RRP1B: variants seen among roughly 807,000 people sequenced by gnomAD.
RRP1B encodes ribosomal RNA processing 1B.
A neutral mutation model predicts 80.2 loss-of-function variants in RRP1B; 56 were observed. That is an observed-to-expected ratio of 0.70 (90% confidence interval 0.56 to 0.87). RRP1B has a LOEUF of 0.87. RRP1B is among the 40% of genes least tolerant of loss of function. The pLI is 0.00. For missense variants in RRP1B, 807 were observed against 939.8 expected, an observed-to-expected ratio of 0.86 and a Z score of 1.85; for synonymous variants, 351 against 357.6, an observed-to-expected ratio of 0.98 and a Z score of 0.21.
chr21:43,687,520 CAG>C lies in RRP1B; in HGVS notation c.1149_1150del (p.Arg383SerfsTer10). The C allele has an allele frequency of 6.8e-7, 1 of 1,479,744 alleles. No homozygotes were observed. The highest frequency in any genetic ancestry group is 8.9e-7 in the Non-Finnish European group (1 of 1,120,794). The allele number at this position is 1,479,744 out of a possible 1,614,324, so 91.7% of individuals were successfully genotyped here. ...KTNLEKEKGS[R>X]VFCVEEEDSE... Reference sequence around the variant, plus strand: ...GATGGGTTTCTGTCTTTTTAGGAAGCAGAGTCTTTTGTGTAGAGGAAGAGGAC... The same window carrying C: ...GATGGGTTTCTGTCTTTTTAGGAAGCAGTCTTTTGTGTAGAGGAAGAGGAC... On this transcript the variant is annotated frameshift_variant, in exon 13 of 16. Transcript: ENST00000340648. LOFTEE classifies it high-confidence loss of function.
At position 43,676,687 on chromosome 21, in the gene RRP1B, G is replaced by T. The variant is rs376437731; in HGVS notation, c.615-46G>T. On this transcript the variant is annotated intron_variant, in intron 7 of 15. Coordinates refer to ENST00000340648, the MANE Select transcript of RRP1B (RefSeq NM_015056.3). Reference sequence around the variant, plus strand: ...TGTGCCCCTGAAGCCAGAAGGCCAGGCCGTTTGTTCTCATCACATGCTCTC... The same window carrying T: ...TGTGCCCCTGAAGCCAGAAGGCCAGTCCGTTTGTTCTCATCACATGCTCTC... 86 of 1,556,138 alleles carry T rather than the reference G, an allele frequency of 5.5e-5. No individual in the cohort carries two copies. The African/African-American group carries it at 1.1e-3, about 21-fold the overall frequency.
chr21:43,667,147 A>C (rs2082981270), intron 1 of RRP1B, among the ~76,000 whole-genome samples: 1 of 152,184 alleles, frequency 6.6e-6, no homozygotes, highest in Admixed American at 6.5e-5. Context: ...TTGCCTGTGC[A>C]TGTTAATGAT....
chr21:43,675,025 G>T lies in RRP1B; in HGVS notation c.420-9G>T, dbSNP rs2147167099. 6.2e-7 allele frequency: 1 copy of T among 1,613,772 alleles called. No individual in the cohort carries two copies. The highest frequency in any genetic ancestry group is 8.5e-7 in the Non-Finnish European group (1 of 1,179,836). On this transcript the variant is annotated splice_polypyrimidine_tract_variant and intron_variant, in intron 5 of 15. Transcript: ENST00000340648. ...TGTCATTCACAGAAGCATGCGTTTG[G>T]TTCTTTAGCCGAATCAAGGTTTTCT...
rs1192168153 is a variant in RRP1B at position 43,688,075 on chromosome 21, C to T, written c.1701C>T (p.Arg567=). ...GANSHTTLPQ[R]RRLQKKKAGP... is the part of the protein sequence containing the mutation. ...ACAGCCACACCACGCTGCCCCAGCGCAGGAGGCTGCAGAAAAAGAAGGCAG... is the reference window on the plus strand; with the variant it reads ...ACAGCCACACCACGCTGCCCCAGCGTAGGAGGCTGCAGAAAAAGAAGGCAG... The change falls in exon 13 of 16, where the codon CGC becomes CGT. Residue 567 remains arginine (R), a synonymous_variant. Coordinates refer to ENST00000340648, the MANE Select transcript of RRP1B (RefSeq NM_015056.3). 1.2e-6 allele frequency: 2 copies of T among 1,611,682 alleles called. No individual in the cohort carries two copies. The highest frequency in any genetic ancestry group is 1.1e-5 in the South Asian group (1 of 90,944).
chr21:43,673,111 GACAAAAAT>G (rs1470376849), intron 3 of RRP1B, among the ~76,000 whole-genome samples: 2 of 152,152 alleles, frequency 1.3e-5, no homozygotes, highest in Non-Finnish European at 2.9e-5. Context: ...CCTATAATCA[GACAAAAAT>G]ATGAGTTTCT....
At chr21:43,685,853 T>C (rs977426927) in intron 11 of RRP1B, 64 bp downstream of exon 11, 18 of 1,546,796 alleles carry the variant, frequency 1.2e-5, no homozygotes, top group East Asian at 4.7e-5. Flanking sequence ...ACTGGGGGCG[T>C]TGATGCCAAA....
intron 2 of RRP1B, among the ~76,000 whole-genome samples, chr21:43,671,145 G>A (rs926374729): frequency 6.6e-6 from 1 of 152,080 alleles, no homozygotes; most frequent in African/African-American, 2.4e-5. Flanking sequence ...TCCCCAGAGT[G>A]AGCCTGCTGC....
In RRP1B at chr21:43,685,736, TTTTA is replaced by T. The variant is rs771047503; in HGVS notation, c.990-30_990-27del. ...ATTTCTTTATGAACATTTGTTATTT[TTTTA>T]TTTTTTATTTTTTATTTTTTTATTT... On this transcript the variant is annotated intron_variant, in intron 10 of 15. Transcript: ENST00000340648. 1.5e-5 allele frequency: 21 copies of T among 1,383,466 alleles called. No homozygotes were observed. In the South Asian group the frequency reaches 2.6e-4, roughly 17 times the overall value. The allele number at this position is 1,383,466 out of a possible 1,614,324, so 85.7% of individuals were successfully genotyped here.
Position 43,667,473 on chromosome 21 carries a change from C to T in RRP1B, c.131-2411C>T, listed in dbSNP as rs1455721818. ...TCTGTCGCCCAAGCTCCATGGAGTACAATGTTGTAGAGATTGGGTTTTGCT... is the reference window on the plus strand; with the variant it reads ...TCTGTCGCCCAAGCTCCATGGAGTATAATGTTGTAGAGATTGGGTTTTGCT... On this transcript the variant is annotated intron_variant, in intron 1 of 15. Coordinates refer to ENST00000340648, the MANE Select transcript of RRP1B (RefSeq NM_015056.3). Among the ~76,000 whole-genome samples the T allele has an allele frequency of 2.6e-5, 4 of 152,066 alleles. No homozygotes were observed. The South Asian group carries it at 8.3e-4, about 32-fold the overall frequency.
In RRP1B at chr21:43,688,210, G is replaced by A. The variant is rs1264449832; in HGVS notation, c.1836G>A (p.Leu612=). 8.3e-6 allele frequency: 13 copies of A among 1,569,124 alleles called. No individual in the cohort carries two copies. Among genetic ancestry groups the A allele is most frequent in the African/African-American group, 4.0e-5 (3 of 74,324 alleles). ...ACTTGGTGGAGCACAACGGGGTGCT[G>A]GAGTCCGAAGCTGGGCAACCCCAGG... ...MSNLVEHNGV[L]ESEAGQPQAL... The change falls in exon 13 of 16, where the codon CTG becomes CTA. Residue 612 remains leucine, a synonymous_variant. Transcript: ENST00000340648.
Position 43,687,626 on chromosome 21 carries a change from G to A in RRP1B, c.1252G>A (p.Gly418Ser), listed in dbSNP as rs752515913. The change falls in exon 13 of 16, where the codon GGT becomes AGT. Residue 418 changes from glycine (G) to serine (S), a missense_variant. Physicochemically the swap from Gly to Ser is moderately conservative, Grantham distance 56 (BLOSUM62 0). Transcript: ENST00000340648. Reference protein sequence around the residue: ...HLQPENPGPGGAAPSLEQNRG... With the variant: ...HLQPENPGPGSAAPSLEQNRG... Reference sequence around the variant, plus strand: ...GCAGCCTGAAAATCCAGGCCCAGGGGGTGCAGCCCCATCCCTGGAACAGAA... The same window carrying A: ...GCAGCCTGAAAATCCAGGCCCAGGGAGTGCAGCCCCATCCCTGGAACAGAA... The A allele has an allele frequency of 3.3e-6, 5 of 1,537,850 alleles. No homozygotes were observed. The highest frequency in any genetic ancestry group is 1.7e-6 in the Non-Finnish European group (2 of 1,146,038).
chr21:43,688,032 G>A lies in RRP1B; in HGVS notation c.1658G>A (p.Gly553Asp), dbSNP rs765872897. 13 of 1,612,114 alleles carry A rather than the reference G, an allele frequency of 8.1e-6. No homozygotes were observed. The highest frequency in any genetic ancestry group is 9.3e-6 in the Non-Finnish European group (11 of 1,179,430). Residue 553 changes from glycine to aspartate, a missense_variant, in exon 13 of 16, where the codon GGC (glycine) becomes GAC (aspartate). Gly to Asp is a moderately conservative substitution (Grantham distance 94). Transcript: ENST00000340648. ...PPLQQEGPPT[G>D]PAEGANSHTT... is the part of the protein sequence containing the mutation. The stretch of plus-strand genomic sequence containing the variant: ...TTGCAGCAGGAAGGCCCTCCCACAG[G>A]CCCCGCAGAGGGGGCGAACAGCCAC...
chr21:43,670,461 G>A (rs1448784048), intron 2 of RRP1B, among the ~76,000 whole-genome samples: 1 of 152,230 alleles, frequency 6.6e-6, no homozygotes, highest in Admixed American at 6.5e-5. Context: ...CGGTCTCTCT[G>A]TGCGGGGCCT....
rs1366868707 is a variant in RRP1B, at chr21:43,694,706, G to GT, written c.*1328dup. 1 of 152,322 alleles carries GT rather than the reference G, an allele frequency of 6.6e-6. No individual in the cohort carries two copies. The highest frequency in any genetic ancestry group is 2.4e-5 in the African/African-American group (1 of 41,464). The allele number at this position is 152,322 out of a possible 1,614,324, so 9.4% of individuals were successfully genotyped here. A position where few individuals can be genotyped will look rare whatever the true frequency, so the allele number is the denominator to read the frequency against. On this transcript the variant is annotated 3_prime_UTR_variant, in exon 16 of 16. Coordinates refer to ENST00000340648, the MANE Select transcript of RRP1B (RefSeq NM_015056.3). Reference sequence around the variant, plus strand: ...TTATGCCCCCCATACAGGAGCCTCGGTTTTTCAGCAAAACGCGGCCAGTCC... The same window carrying GT: ...TTATGCCCCCCATACAGGAGCCTCGGTTTTTTCAGCAAAACGCGGCCAGTCC...
chr21:43,678,325 A>T (rs1267444828), intron 8 of RRP1B, among the ~76,000 whole-genome samples: 2 of 152,000 alleles, frequency 1.3e-5, no homozygotes, highest in South Asian at 2.1e-4. Context: ...AGGCCCAGCT[A>T]ATTTTTTGCA....
At chr21:43,676,181 C>T (rs1428598599) in intron 6 of RRP1B, 91 bp from the exon 7 acceptor site, 6 of 946,334 alleles carry the variant, frequency 6.3e-6, no homozygotes, top group Non-Finnish European at 9.9e-6. Flanking sequence ...TCTAACTCCA[C>T]CTTTGTAAAA....
rs2147175767 is a variant in RRP1B, at chr21:43,687,931, A to G, written c.1557A>G (p.Gln519=). ...GAGGGTCCCCGACAGGTGGAGCCCAACTCCTAAAAAGGAAGCGGAAACTTG... is the reference window on the plus strand; with the variant it reads ...GAGGGTCCCCGACAGGTGGAGCCCAGCTCCTAAAAAGGAAGCGGAAACTTG... ...GPRGSPTGGA[Q]LLKRKRKLGV... is the part of the protein sequence containing the mutation. The change falls in exon 13 of 16, where the codon CAA becomes CAG. Residue 519 remains glutamine, a synonymous_variant. Transcript: ENST00000340648. 6.2e-7 allele frequency: 1 copy of G among 1,613,216 alleles called. No individual in the cohort carries two copies. The highest frequency in any genetic ancestry group is 8.5e-7 in the Non-Finnish European group (1 of 1,180,010).
At chr21:43,687,484 G>A in intron 12 of RRP1B, 32 bp from the exon 13 acceptor site, 1 of 1,466,880 alleles carries the variant, frequency 6.8e-7, no homozygotes, top group South Asian at 1.5e-5. Flanking sequence ...AGCTGGCACT[G>A]GGTGCTTGTT....
intron 8 of RRP1B, among the ~76,000 whole-genome samples, chr21:43,677,129 C>A (rs568620568): frequency 1.3e-5 from 2 of 152,174 alleles, no homozygotes; most frequent in African/African-American, 4.8e-5. Context: ...TCCCATGTGG[C>A]ATACACACAT....
Sources: gnomAD v4.1 joint callset for allele counts (sites outside exome capture counted in the v4.1 genomes callset) on GRCh38, gnomAD v4.1.1 for gene constraint, MANE v1.5 for transcripts, NCBI Gene and HGNC (gene_info 2026-07-23, HGNC 2026-07-21) for gene names.